Variants in DPP10 observed in about 807,000 individuals in gnomAD.
DPP10 encodes the protein inactive dipeptidyl peptidase 10.
In DPP10, 33 loss-of-function variants were observed where a neutral mutation model predicts 120.9. That is an observed-to-expected ratio of 0.27 (90% confidence interval 0.21 to 0.37). The LOEUF is 0.37. DPP10 is among the 10% of genes least tolerant of loss of function. DPP10 has a pLI of 1.00. For missense variants in DPP10, 816 were observed against 942.8 expected (o/e 0.87, Z 1.76); for synonymous variants, 337 against 326.1 (o/e 1.03, Z -0.36).
In DPP10 at chr2:115,413,906, C is replaced by T. The variant is rs1250732752; in HGVS notation, c.271+69994C>T. Among the ~76,000 whole-genome samples the T allele has an allele frequency of 3.0e-5, 3 of 101,578 alleles. No homozygotes were observed. The East Asian group carries it at 6.6e-4, about 22-fold the overall frequency. The allele number at this position is 101,578 out of a possible 152,430, so 66.6% of individuals were successfully genotyped here. On this transcript the variant is annotated intron_variant, in intron 3 of 25. Coordinates refer to ENST00000410059, the MANE Select transcript of DPP10 (RefSeq NM_020868.6). ...TAAGGAAGGCAATTCTACACCTTCT[C>T]TCAATAATTTTTTTTTTCCACTTGG...
At chr2:115,733,069 T>C (rs568330898) in intron 8 of DPP10, among the ~76,000 whole-genome samples, 2 of 152,290 alleles carry the variant, frequency 1.3e-5, no homozygotes, top group Admixed American at 6.5e-5. Flanking sequence ...AGGTGCTTCA[T>C]AGATGACATG....
chr2:115,204,159 A>G (rs975357689), intron 1 of DPP10, among the ~76,000 whole-genome samples: 1 of 152,142 alleles, frequency 6.6e-6, no homozygotes, highest in African/African-American at 2.4e-5. Context: ...AAATCCATTA[A>G]ACCTTTTCTG....
intron 1 of DPP10, among the ~76,000 whole-genome samples, chr2:114,971,410 C>T (rs1238883045): frequency 6.6e-6 from 1 of 152,120 alleles, no homozygotes; most frequent in East Asian, 1.9e-4. Flanking sequence ...CTCTCAAAAT[C>T]ACCACCACTT....
chr2:115,114,112 G>A (rs779262492), intron 1 of DPP10, among the ~76,000 whole-genome samples: 2 of 152,112 alleles, frequency 1.3e-5, no homozygotes, highest in African/African-American at 4.8e-5. Context: ...TCACCAATAC[G>A]AACTTGCCAG....
intron 1 of DPP10, among the ~76,000 whole-genome samples, chr2:115,259,860 C>A (rs1348107467): frequency 5.3e-5 from 8 of 151,862 alleles, no homozygotes; most frequent in Admixed American, 5.3e-4. Context: ...ATTTTATTAT[C>A]TATGTGCATT....
intron 1 of DPP10, among the ~76,000 whole-genome samples, chr2:114,564,398 T>C (rs552768448): frequency 1.3e-5 from 2 of 152,252 alleles, no homozygotes; most frequent in African/African-American, 4.8e-5. Flanking sequence ...ACTAAGACCA[T>C]AGCAGAGGAG....
intron 2 of DPP10, among the ~76,000 whole-genome samples, chr2:115,331,553 G>A (rs769804105): frequency 6.6e-5 from 10 of 152,172 alleles, no homozygotes; most frequent in Non-Finnish European, 1.3e-4. Context: ...GATATTGGCT[G>A]TGGGTTTGTC....
chr2:114,873,975 T>C (rs913696458), intron 1 of DPP10, among the ~76,000 whole-genome samples: 1 of 152,162 alleles, frequency 6.6e-6, no homozygotes, highest in African/African-American at 2.4e-5. Flanking sequence ...AATCTGTCGC[T>C]TCAGTGGAGA....
intron 1 of DPP10, among the ~76,000 whole-genome samples, chr2:114,824,568 T>G (rs2106370272): frequency 6.6e-6 from 1 of 152,288 alleles, no homozygotes; most frequent in East Asian, 1.9e-4. Context: ...TTCAGCAAGT[T>G]TTGTTCATTT....
At chr2:115,099,130 CA>C (rs55815168) in intron 1 of DPP10, among the ~76,000 whole-genome samples, 345 of 74,732 alleles carry the variant, frequency 4.6e-3, no homozygotes, top group Middle Eastern at 0.016. Context: ...GCTAAAAATA[CA>C]AAAAAAAAAA....
At chr2:115,763,488 G>C (rs1457610502) in intron 12 of DPP10, among the ~76,000 whole-genome samples, 1 of 152,028 alleles carries the variant, frequency 6.6e-6, no homozygotes, top group Non-Finnish European at 1.5e-5. Context: ...TATCCATTCA[G>C]ATGTTAAAAC....
At chr2:114,482,489 C>T (rs921052160) in intron 1 of DPP10, among the ~76,000 whole-genome samples, 1 of 152,098 alleles carries the variant, frequency 6.6e-6, no homozygotes, top group African/African-American at 2.4e-5. Flanking sequence ...TTAAAACAGA[C>T]ATCGTTTATT....
rs143088528 is a variant in DPP10 at position 114,682,569 on chromosome 2, AATTATTATT to A, written c.60+239751_60+239759del. 3.4e-5 allele frequency among the ~76,000 whole-genome samples: 5 copies of A among 149,164 alleles called. No homozygotes were observed. The East Asian group carries it at 8.0e-4, about 24-fold the overall frequency. On this transcript the variant is annotated intron_variant, in intron 1 of 25. Transcript: ENST00000410059. The stretch of plus-strand genomic sequence containing the variant: ...TAATTCTAAATTGCAATCGATGGGT[AATTATTATT>A]ATTATTATTATTATTATTAGGCTTT...
chr2:114,958,916 T>C (rs1045252856), intron 1 of DPP10, among the ~76,000 whole-genome samples: 2 of 152,228 alleles, frequency 1.3e-5, no homozygotes, highest in Non-Finnish European at 2.9e-5. Flanking sequence ...AACTCATTGA[T>C]GTAGATCACT....
chr2:114,681,751 T>G (rs1699042099), intron 1 of DPP10, among the ~76,000 whole-genome samples: 1 of 152,068 alleles, frequency 6.6e-6, no homozygotes, highest in Admixed American at 6.6e-5. Flanking sequence ...TTTAAATTGC[T>G]TTTGGATGAG....
intron 5 of DPP10, among the ~76,000 whole-genome samples, chr2:115,546,636 A>G (rs1013507727): frequency 6.6e-6 from 1 of 152,134 alleles, no homozygotes; most frequent in Non-Finnish European, 1.5e-5. Context: ...GGTAGGATAA[A>G]AAGGAAGACA....
At chr2:114,976,895 T>C (rs929372807) in intron 1 of DPP10, among the ~76,000 whole-genome samples, 2 of 152,132 alleles carry the variant, frequency 1.3e-5, no homozygotes, top group East Asian at 3.9e-4. Flanking sequence ...AGAGCATCAA[T>C]TATCTTTACC....
intron 1 of DPP10, among the ~76,000 whole-genome samples, chr2:115,174,241 T>A (rs140814448): frequency 6.6e-6 from 1 of 152,178 alleles, no homozygotes; most frequent in Non-Finnish European, 1.5e-5. Context: ...GACATGAAGA[T>A]CTATAAGACA....
intron 21 of DPP10, among the ~76,000 whole-genome samples, chr2:115,831,233 CACT>C (rs1688889213): frequency 1.5e-5 from 2 of 135,554 alleles, no homozygotes; most frequent in African/African-American, 5.4e-5. Context: ...TCGCACAGAT[CACT>C]TCTTTCTTTC....
Sources: gnomAD v4.1 joint callset for allele counts (sites outside exome capture counted in the v4.1 genomes callset) on GRCh38, gnomAD v4.1.1 for gene constraint, MANE v1.5 for transcripts, NCBI Gene and HGNC (gene_info 2026-07-23, HGNC 2026-07-21) for gene names.